Variants in ZDHHC9 observed in about 807,000 individuals in gnomAD.
The protein encoded by ZDHHC9 is zDHHC palmitoyltransferase 9, also known as palmitoyltransferase ZDHHC9.
ZDHHC9 carries 3 observed loss-of-function variants against 26.6 expected under a neutral mutation model. That is an observed-to-expected ratio of 0.11 (90% confidence interval 0.05 to 0.29). ZDHHC9 has a LOEUF of 0.29. Ranked by LOEUF, ZDHHC9 falls within the 10% of genes least tolerant of loss-of-function variation. The pLI is 1.00. For synonymous variants in ZDHHC9, 111 were observed against 109.4 expected (o/e 1.01, Z -0.09); for missense variants, 146 against 296.4 (o/e 0.49, Z 3.73).
At chrX:129,812,864 A>ATCAAGT in intron 7 of ZDHHC9, 44 bp from the exon 8 acceptor site, 2 of 917,844 alleles carry the variant, frequency 2.2e-6, no homozygotes, top group Non-Finnish European at 3.2e-6. Context: ...ACATCAGGAG[A>ATCAAGT]CTTGATGCCT....
chrX:129,811,244 C>T (rs1927633152), intron 9 of ZDHHC9, among the ~76,000 whole-genome samples, 162 bp downstream of exon 9: 1 of 111,629 alleles, frequency 9.0e-6, no homozygotes, highest in Non-Finnish European at 1.9e-5. Context: ...ACAACCAGCC[C>T]ATGGTCTATG....
At chrX:129,816,859 T>G (rs1927766877) in intron 5 of ZDHHC9, among the ~76,000 whole-genome samples, 1 of 111,199 alleles carries the variant, frequency 9.0e-6, no homozygotes, top group Admixed American at 9.6e-5. Flanking sequence ...ACACAGAAAT[T>G]TTAAGTTCAA....
intron 3 of ZDHHC9, among the ~76,000 whole-genome samples, chrX:129,830,374 G>A (rs1239603893): frequency 1.8e-5 from 2 of 111,624 alleles, no homozygotes; most frequent in African/African-American, 6.5e-5. Context: ...TAAATAAAGT[G>A]CTTAGAACTG....
intron 4 of ZDHHC9, among the ~76,000 whole-genome samples, chrX:129,824,873 G>T (rs1047634701): frequency 8.9e-6 from 1 of 112,363 alleles, no homozygotes; most frequent in Non-Finnish European, 1.9e-5. Flanking sequence ...AAATGAAAAT[G>T]TATGTTAAAA....
At position 129,812,823 on chromosome X, in the gene ZDHHC9, G is replaced by A; in HGVS notation, c.675-3C>T. 4.2e-6 allele frequency: 5 copies of A among 1,184,471 alleles called. No individual in the cohort carries two copies. Among genetic ancestry groups the A allele is most frequent in the African/African-American group, 1.7e-5 (1 of 57,362 alleles). On this transcript the variant is annotated splice_polypyrimidine_tract_variant and splice_region_variant and intron_variant, in intron 7 of 10. Transcript: ENST00000357166. The stretch of plus-strand genomic sequence containing the variant: ...AGCAAATGAGGACTTCTAGAACAGT[G>A]AGGTGTGGTTAAGGAGTATTGAAGA...
chrX:129,811,318 C>T (rs1013388162), intron 9 of ZDHHC9, 88 bp downstream of exon 9: 29 of 845,020 alleles, frequency 3.4e-5, no homozygotes, highest in South Asian at 6.6e-5. Context: ...CAAGAGGCCA[C>T]ACTCAGAAAA....
chrX:129,841,721 T>A lies in ZDHHC9; in HGVS notation c.167+58A>T, dbSNP rs1928385981. The A allele has an allele frequency of 2.0e-5, 24 of 1,201,215 alleles. No homozygotes were observed. In the South Asian group the frequency reaches 4.1e-4, roughly 20 times the overall value. ...AGCCCCAAACTCCCCAGAAAGCAGG[T>A]TCTTCCCCTGGACCCAAAGTAACCA... On this transcript the variant is annotated intron_variant, in intron 3 of 10. Transcript: ENST00000357166.
At chrX:129,836,714 T>C (rs12007681) in intron 3 of ZDHHC9, among the ~76,000 whole-genome samples, 6,819 of 111,944 alleles carry the variant, frequency 0.061, 507 homozygotes, top group African/African-American at 0.21. Flanking sequence ...GATGATCCCT[T>C]GTTAACTCAC....
intron 3 of ZDHHC9, among the ~76,000 whole-genome samples, chrX:129,832,964 C>CAA (rs11317653): frequency 3.1e-4 from 11 of 35,007 alleles, no homozygotes; most frequent in African/African-American, 8.5e-4. Context: ...GACTCCACCT[C>CAA]AAAAAAAAAA....
rs779819713 is a variant in ZDHHC9 at position 129,807,454 on chromosome X, GAAAAAAAAAAA to G, written c.979-979_979-969del. The stretch of plus-strand genomic sequence containing the variant: ...GGCGACAGAGCGAGACTCCGTCTCA[GAAAAAAAAAAA>G]AAAAAAAAAAGTATGATTCTATTTT... On this transcript the variant is annotated intron_variant, in intron 10 of 10. Coordinates refer to ENST00000357166, the MANE Select transcript of ZDHHC9 (RefSeq NM_016032.4). Among the ~76,000 whole-genome samples, 3 of 27,397 alleles carry G rather than the reference GAAAAAAAAAAA, an allele frequency of 1.1e-4. No homozygotes were observed. In the East Asian group the frequency reaches 3.7e-3, roughly 34 times the overall value. 23.8% of individuals were successfully genotyped at this position (27,397 alleles called of 115,157 possible).
At chrX:129,823,511 C>G (rs765498004) in intron 5 of ZDHHC9, 168 bp downstream of exon 5, 19 of 526,670 alleles carry the variant, frequency 3.6e-5, no homozygotes, top group Non-Finnish European at 5.4e-5. Context: ...ACAAGTACAG[C>G]TGATTTGCAG....
At chrX:129,841,663 C>T (rs1192166351) in intron 3 of ZDHHC9, 116 bp downstream of exon 3, 7 of 907,233 alleles carry the variant, frequency 7.7e-6, no homozygotes, top group Non-Finnish European at 1.1e-5. Flanking sequence ...CTACAGACAT[C>T]GCTCAAGAGG....
At chrX:129,818,973 C>T (rs1927818017) in intron 5 of ZDHHC9, among the ~76,000 whole-genome samples, 1 of 108,972 alleles carries the variant, frequency 9.2e-6, no homozygotes, top group African/African-American at 3.4e-5. Flanking sequence ...GAGATAGAGA[C>T]CATCCTGGCT....
chrX:129,840,606 G>A (rs975978299), intron 3 of ZDHHC9, among the ~76,000 whole-genome samples: 1 of 111,131 alleles, frequency 9.0e-6, no homozygotes, highest in African/African-American at 3.3e-5. Context: ...CAGCAGTAGC[G>A]GCGGCAGCAG....
intron 5 of ZDHHC9, chrX:129,823,277 C>G: frequency 6.0e-6 from 1 of 165,927 alleles, no homozygotes; most frequent in Non-Finnish European, 1.2e-5. Context: ...TAAATGCTAG[C>G]AACTTTCCTC....
chrX:129,815,728 A>C (rs769001341), intron 5 of ZDHHC9, among the ~76,000 whole-genome samples: 1 of 111,973 alleles, frequency 8.9e-6, no homozygotes, highest in Non-Finnish European at 1.9e-5. Context: ...GTGTATGTTA[A>C]AATTACCATA....
intron 3 of ZDHHC9, among the ~76,000 whole-genome samples, chrX:129,833,636 C>T (rs1213229786): frequency 1.8e-5 from 2 of 111,821 alleles, no homozygotes; most frequent in Admixed American, 1.9e-4. Context: ...ACTTGTTGGA[C>T]TAACAAATGA....
At chrX:129,832,746 G>A (rs1309676092) in intron 3 of ZDHHC9, among the ~76,000 whole-genome samples, 1 of 109,949 alleles carries the variant, frequency 9.1e-6, no homozygotes. Flanking sequence ...TCGTGCCACT[G>A]CACTCCAGCC....
chrX:129,831,875 G>A (rs1171705252), intron 3 of ZDHHC9, among the ~76,000 whole-genome samples: 1 of 110,655 alleles, frequency 9.0e-6, no homozygotes, highest in African/African-American at 3.3e-5. Context: ...TACCCCCACC[G>A]GGGGTATTGG....
Sources: gnomAD v4.1 joint callset for allele counts (sites outside exome capture counted in the v4.1 genomes callset) on GRCh38, gnomAD v4.1.1 for gene constraint, MANE v1.5 for transcripts, NCBI Gene and HGNC (gene_info 2026-07-23, HGNC 2026-07-21) for gene names.